The following SP4 variants were observed in gnomAD, a reference collection of about 807,000 sequenced individuals.
The protein encoded by SP4 is transcription factor Sp4.
A neutral mutation model predicts 72.8 loss-of-function variants in SP4; 19 were observed. The observed-to-expected ratio is 0.26, with a 90% CI of 0.18 to 0.38. The LOEUF (loss-of-function observed/expected upper bound fraction) is 0.38, where lower values mean the gene tolerates loss of function less well. Ranked by LOEUF, SP4 falls within the 10% of genes least tolerant of loss-of-function variation. The probability of loss-of-function intolerance (pLI) is 1.00; values close to 1 mark genes in which losing one functional copy is unlikely to be tolerated. For missense variants in SP4, 1,008 were observed against 926.3 expected, an observed-to-expected ratio of 1.09 and a Z score of -1.14; for synonymous variants, 395 against 333.1, an observed-to-expected ratio of 1.19 and a Z score of -2.02.
intron 3 of SP4, among the ~76,000 whole-genome samples, chr7:21,475,784 G>C (rs116587653): frequency 0.012 from 1,824 of 152,252 alleles, 28 homozygotes; most frequent in African/African-American, 0.042. Flanking sequence ...GGTAACAGTA[G>C]CTACCATGTA....
At chr7:21,436,824 G>T (rs1017046086) in intron 3 of SP4, among the ~76,000 whole-genome samples, 1 of 152,166 alleles carries the variant, frequency 6.6e-6, no homozygotes, top group African/African-American at 2.4e-5. Flanking sequence ...AGTTACTAAG[G>T]TAACTTAAAA....
At chr7:21,449,133 A>G (rs976417696) in intron 3 of SP4, among the ~76,000 whole-genome samples, 1 of 152,190 alleles carries the variant, frequency 6.6e-6, no homozygotes, top group Non-Finnish European at 1.5e-5. Context: ...GCGAGGTACC[A>G]AACAACTAGG....
At chr7:21,473,564 G>A (rs1410035913) in intron 3 of SP4, among the ~76,000 whole-genome samples, 3 of 152,146 alleles carry the variant, frequency 2.0e-5, no homozygotes, top group Non-Finnish European at 4.4e-5. Context: ...AAAGGACAAA[G>A]TAATTTAAGA....
chr7:21,452,133 G>C (rs1232926495), intron 3 of SP4, among the ~76,000 whole-genome samples: 5 of 152,156 alleles, frequency 3.3e-5, no homozygotes, highest in Non-Finnish European at 7.3e-5. Context: ...TTTGATAACA[G>C]TAGTACCATA....
chr7:21,430,090 ACTT>A lies in SP4; in HGVS notation c.928_930del (p.Ser310del). 1.9e-6 allele frequency: 3 copies of A among 1,614,140 alleles called. No individual in the cohort carries two copies. Among genetic ancestry groups the A allele is most frequent in the Non-Finnish European group, 2.5e-6 (3 of 1,180,044 alleles). On this transcript the variant is annotated inframe_deletion, in exon 3 of 6. Transcript: ENST00000222584. ...AGTTTCCACACCCACCAACACCACT[ACTT>A]CTGCCAGTACTATGCCAGAATCTCC...
chr7:21,503,598 C>T (rs1487548253), intron 5 of SP4, among the ~76,000 whole-genome samples: 1 of 152,158 alleles, frequency 6.6e-6, no homozygotes, highest in African/African-American at 2.4e-5. Flanking sequence ...CAGTCCAAAG[C>T]TAGGTGAATC....
At chr7:21,489,560 T>C (rs56194224) in intron 5 of SP4, among the ~76,000 whole-genome samples, 1,312 of 22,790 alleles carry the variant, frequency 0.058, 48 homozygotes, top group Admixed American at 0.25. Flanking sequence ...TTTCTTTTTT[T>C]TTTTTTTTTT....
intron 3 of SP4, among the ~76,000 whole-genome samples, chr7:21,437,968 A>G (rs1267616063): frequency 6.6e-6 from 1 of 152,104 alleles, no homozygotes; most frequent in Non-Finnish European, 1.5e-5. Flanking sequence ...AAAAGAAAAC[A>G]AGAAATTGTG....
chr7:21,448,828 A>T (rs561189461), intron 3 of SP4, among the ~76,000 whole-genome samples: 1 of 152,240 alleles, frequency 6.6e-6, no homozygotes, highest in Non-Finnish European at 1.5e-5. Context: ...TCTGTAACAT[A>T]TAACAATGCT....
At chr7:21,479,297 A>T in intron 4 of SP4, among the ~76,000 whole-genome samples, 1 of 147,056 alleles carries the variant, frequency 6.8e-6, no homozygotes, top group African/African-American at 2.5e-5. Flanking sequence ...TATAGTTTTT[A>T]CTCTTACATT....
At chr7:21,503,914 C>T (rs952711375) in intron 5 of SP4, among the ~76,000 whole-genome samples, 18 of 152,316 alleles carry the variant, frequency 1.2e-4, no homozygotes, top group African/African-American at 4.1e-4. Flanking sequence ...CTGGGGTCCC[C>T]ATTGACTCCA....
rs566308856 is a variant in SP4, at chr7:21,451,602, T to C, written c.1678+20759T>C. Among the ~76,000 whole-genome samples the C allele has an allele frequency of 3.5e-4, 54 of 152,216 alleles. 1 individual carries two copies. Among genetic ancestry groups the C allele is most frequent in the Middle Eastern group, 3.4e-3 (1 of 294 alleles). Reference sequence around the variant, plus strand: ...GCTCTGTGGGTTGATGAAAGCTGAATTCAGCCAGGTCCAAGGGAGACAGGG... The same window carrying C: ...GCTCTGTGGGTTGATGAAAGCTGAACTCAGCCAGGTCCAAGGGAGACAGGG... On this transcript the variant is annotated intron_variant, in intron 3 of 5. Coordinates refer to ENST00000222584, the MANE Select transcript of SP4 (RefSeq NM_003112.5).
chr7:21,502,049 C>CG (rs1554301421), intron 5 of SP4, among the ~76,000 whole-genome samples: 9 of 118,222 alleles, frequency 7.6e-5, no homozygotes, highest in Non-Finnish European at 1.2e-4. Context: ...CACCCCCCCC[C>CG]CCCCGGAACT....
At chr7:21,432,869 C>T (rs1249990957) in intron 3 of SP4, among the ~76,000 whole-genome samples, 2 of 152,122 alleles carry the variant, frequency 1.3e-5, no homozygotes, top group Non-Finnish European at 2.9e-5. Context: ...GGTGGCACAC[C>T]TGTGGTCTCA....
chr7:21,463,154 A>G (rs190427938), intron 3 of SP4, among the ~76,000 whole-genome samples: 29 of 152,128 alleles, frequency 1.9e-4, no homozygotes, highest in Middle Eastern at 6.8e-3. Flanking sequence ...AGGTGAGTCA[A>G]TGTTTGGAGA....
chr7:21,494,360 C>T (rs994376177), intron 5 of SP4, among the ~76,000 whole-genome samples: 19 of 152,158 alleles, frequency 1.2e-4, no homozygotes, highest in African/African-American at 4.6e-4. Context: ...TATTTGCAGA[C>T]ACCAGGTTGT....
At chr7:21,433,945 A>G (rs1377618694) in intron 3 of SP4, among the ~76,000 whole-genome samples, 1 of 151,130 alleles carries the variant, frequency 6.6e-6, no homozygotes, top group African/African-American at 2.4e-5. Flanking sequence ...CTCCATCTCA[A>G]AAAAAAAAGA....
Position 21,430,523 on chromosome 7 carries a change from A to T in SP4, c.1358A>T (p.Gln453Leu). Residue 453 changes from glutamine (Q) to leucine (L), a missense_variant, in exon 3 of 6, where the codon CAG becomes CTG. Physicochemically the swap from Gln to Leu is moderately radical, Grantham distance 113. Around this residue, in one of 3 missense-constraint regions of SP4, gnomAD observed 893 missense variants for 743.3 expected, o/e 1.20. Coordinates refer to ENST00000222584, the MANE Select transcript of SP4 (RefSeq NM_003112.5). Reference sequence around the variant, plus strand: ...CAACTTCAAGCAGTAAATCCGACTCAGGTGCTTATCAGGGCTCCAACTTTA... The same window carrying T: ...CAACTTCAAGCAGTAAATCCGACTCTGGTGCTTATCAGGGCTCCAACTTTA... ...NVQLQAVNPT[Q>L]VLIRAPTLTP... is the part of the protein sequence containing the mutation. The T allele has an allele frequency of 6.2e-7, 1 of 1,614,258 alleles. No homozygotes were observed. Among genetic ancestry groups the T allele is most frequent in the South Asian group, 1.1e-5 (1 of 91,088 alleles).
intron 3 of SP4, among the ~76,000 whole-genome samples, chr7:21,471,353 CATTTGAG>C (rs1162856790): frequency 6.6e-6 from 1 of 152,122 alleles, no homozygotes; most frequent in African/African-American, 2.4e-5. Flanking sequence ...AAAATGGAGA[CATTTGAG>C]ATATTTTGAA....
Sources: gnomAD v4.1 joint callset for allele counts (sites outside exome capture counted in the v4.1 genomes callset) on GRCh38, gnomAD v4.1.1 for gene constraint, gnomAD v4.1.1 regional missense constraint, MANE v1.5 for transcripts, NCBI Gene and HGNC (gene_info 2026-07-23, HGNC 2026-07-21) for gene names.